The following PIP5K1A variants were observed in gnomAD, a reference collection of about 807,000 sequenced individuals.
The protein encoded by PIP5K1A is phosphatidylinositol-4-phosphate 5-kinase type 1 alpha, also known as phosphatidylinositol 4-phosphate 5-kinase type-1 alpha.
A neutral mutation model predicts 72.9 loss-of-function variants in PIP5K1A; 46 were observed. That is an observed-to-expected ratio of 0.63 (90% CI 0.50 to 0.81). The LOEUF is 0.81. Among genes scored for constraint, PIP5K1A ranks in the 30% least tolerant of loss-of-function variants. The probability of loss-of-function intolerance (pLI) is 0.00; values close to 1 mark genes in which losing one functional copy is unlikely to be tolerated. For synonymous variants in PIP5K1A, 228 were observed against 255.1 expected (o/e 0.89, Z 1.01); for missense variants, 458 against 706.1 (o/e 0.65, Z 3.98).
intron 8 of PIP5K1A, among the ~76,000 whole-genome samples, chr1:151,235,675 A>C (rs1180242463): frequency 6.6e-6 from 1 of 152,226 alleles, no homozygotes; most frequent in Non-Finnish European, 1.5e-5. Flanking sequence ...TGGAATCTTC[A>C]CAGCACAAAT....
intron 4 of PIP5K1A, among the ~76,000 whole-genome samples, chr1:151,229,254 G>C (rs1689671299): frequency 6.7e-6 from 1 of 149,246 alleles, no homozygotes; most frequent in South Asian, 2.1e-4. Flanking sequence ...TGGGTGCGTT[G>C]ATGGCACACT....
upstream of PIP5K1A, among the ~76,000 whole-genome samples, chr1:151,196,550 A>ATTT (rs5777766): frequency 2.1e-3 from 245 of 114,718 alleles, 2 homozygotes; most frequent in African/African-American, 5.3e-3. Flanking sequence ...ATGCATGGGG[A>ATTT]TTTTTTTTTT....
chr1:151,209,103 A>AT (rs1348516943), intron 1 of PIP5K1A, among the ~76,000 whole-genome samples: 1 of 151,276 alleles, frequency 6.6e-6, no homozygotes, highest in African/African-American at 2.4e-5. Context: ...GCAGGTTGAC[A>AT]TTTCAAGAGT....
At chr1:151,216,686 A>G (rs935398451) in intron 1 of PIP5K1A, among the ~76,000 whole-genome samples, 2 of 152,082 alleles carry the variant, frequency 1.3e-5, no homozygotes, top group African/African-American at 4.8e-5. Flanking sequence ...ATGGCATTTC[A>G]TAATTCACAT....
intron 4 of PIP5K1A, among the ~76,000 whole-genome samples, chr1:151,230,859 G>C (rs917680758): frequency 2.6e-5 from 4 of 152,214 alleles, no homozygotes; most frequent in Admixed American, 1.3e-4. Context: ...TGTTGGCCTT[G>C]AGACACACTA....
At chr1:151,241,880 T>TG (rs950490155) in intron 12 of PIP5K1A, among the ~76,000 whole-genome samples, 5 of 151,988 alleles carry the variant, frequency 3.3e-5, no homozygotes, top group Admixed American at 6.6e-5. Context: ...GGCTCCATGT[T>TG]GGGGGGTTAG....
chr1:151,214,225 C>A (rs1435577870), intron 1 of PIP5K1A, among the ~76,000 whole-genome samples: 1 of 152,156 alleles, frequency 6.6e-6, no homozygotes, highest in East Asian at 1.9e-4. Context: ...GTTATATATA[C>A]ACTGCTGTAA....
intron 14 of PIP5K1A, among the ~76,000 whole-genome samples, chr1:151,245,484 C>T (rs587727752): frequency 5.9e-5 from 9 of 152,196 alleles, no homozygotes; most frequent in African/African-American, 1.9e-4. Context: ...TTTTGTTTTT[C>T]GAGATGGAGT....
At chr1:151,247,557 T>C (rs1692690296) in intron 15 of PIP5K1A, among the ~76,000 whole-genome samples, 1 of 151,884 alleles carries the variant, frequency 6.6e-6, no homozygotes, top group African/African-American at 2.4e-5. Context: ...CCTTGAGTAG[T>C]TGGGACTACA....
At chr1:151,213,042 C>T (rs587677238) in intron 1 of PIP5K1A, among the ~76,000 whole-genome samples, 1 of 152,064 alleles carries the variant, frequency 6.6e-6, no homozygotes, top group Admixed American at 6.5e-5. Context: ...AGGCGCCCGC[C>T]ACCACGCCCG....
At chr1:151,229,167 CA>C (rs34356281) in intron 4 of PIP5K1A, among the ~76,000 whole-genome samples, 1,682 of 41,270 alleles carry the variant, frequency 0.041, 6 homozygotes, top group African/African-American at 0.082. Flanking sequence ...GACCCCGTCT[CA>C]AAAAAAAAAA....
At chr1:151,211,323 C>T (rs1455026609) in intron 1 of PIP5K1A, among the ~76,000 whole-genome samples, 1 of 151,742 alleles carries the variant, frequency 6.6e-6, no homozygotes, top group Non-Finnish European at 1.5e-5. Flanking sequence ...CCTGTCTCTA[C>T]AAAAAATATA....
At position 151,240,024 on chromosome 1, in the gene PIP5K1A, T is replaced by C; in HGVS notation, c.1348T>C (p.Phe450Leu). ...CCAGCGCTTCATGTGCAACACAGTA[T>C]TTAAGAAGATTCCCTGTAAGTGGTT... ...RFQRFMCNTV[F>L]KKIPLKPSPS... Residue 450 changes from phenylalanine (F) to leucine (L), a missense_variant, in exon 12 of 16, where the codon TTT becomes CTT. Around this residue, in one of 3 missense-constraint regions of PIP5K1A, gnomAD observed 157 missense variants for 175.5 expected, o/e 0.89. Transcript: ENST00000368888. 1 of 1,611,954 alleles carries C rather than the reference T, an allele frequency of 6.2e-7. No individual in the cohort carries two copies. The highest frequency in any genetic ancestry group is 8.5e-7 in the Non-Finnish European group (1 of 1,178,306).
chr1:151,245,261 TC>T (rs1375894812), intron 14 of PIP5K1A, among the ~76,000 whole-genome samples: 2 of 152,290 alleles, frequency 1.3e-5, no homozygotes, highest in South Asian at 4.2e-4. Context: ...ATATTCTACT[TC>T]TCACATAATC....
Position 151,209,552 on chromosome 1 carries a change from G to A in PIP5K1A, c.85+10471G>A, listed in dbSNP as rs191637341. The stretch of plus-strand genomic sequence containing the variant: ...CCTCCCAGGTTCAAGCAATTCTCCT[G>A]TCTCAGCCTCCTGAGTAGCTGGGAT... On this transcript the variant is annotated intron_variant, in intron 1 of 15. Coordinates refer to ENST00000368888, the MANE Select transcript of PIP5K1A (RefSeq NM_001135638.2). 4.4e-3 allele frequency among the ~76,000 whole-genome samples: 669 copies of A among 151,120 alleles called. 6 individuals are homozygous for A. Among genetic ancestry groups the A allele is most frequent in the Middle Eastern group, 0.014 (4 of 292 alleles).
chr1:151,238,050 T>C, intron 9 of PIP5K1A, 132 bp from the exon 10 acceptor site: 1 of 619,056 alleles, frequency 1.6e-6, no homozygotes, highest in Non-Finnish European at 2.9e-6. Flanking sequence ...CTTTTTGTTT[T>C]CTTGATCACT....
At chr1:151,232,096 C>G (rs2102624592) in intron 5 of PIP5K1A, 152 bp from the exon 6 acceptor site, 2 of 683,144 alleles carry the variant, frequency 2.9e-6, no homozygotes, top group East Asian at 2.5e-5. Context: ...GCCATTGTCT[C>G]ACTAACTCAT....
intron 12 of PIP5K1A, among the ~76,000 whole-genome samples, chr1:151,241,800 CAAAAAAAA>C (rs201895156): frequency 1.7e-5 from 1 of 60,194 alleles, no homozygotes; most frequent in South Asian, 5.2e-4. Context: ...AACTCCATCT[CAAAAAAAA>C]AAAAAAAAAG....
At position 151,234,497 on chromosome 1, in the gene PIP5K1A, G is replaced by T. The variant is rs1347053725; in HGVS notation, c.939+1G>T. The T allele has an allele frequency of 6.2e-7, 1 of 1,613,174 alleles. No individual in the cohort carries two copies. Among genetic ancestry groups the T allele is most frequent in the Non-Finnish European group, 8.5e-7 (1 of 1,179,300 alleles). On this transcript the variant is annotated splice_donor_variant, in intron 8 of 15. Coordinates refer to ENST00000368888, the MANE Select transcript of PIP5K1A (RefSeq NM_001135638.2). LOFTEE classifies it high-confidence loss of function. ...TAAGACCCTGCAGCGTGACTGTTTG[G>T]TGAGTTTGTTACTTAGACATCAAAA...
Sources: gnomAD v4.1 joint callset for allele counts (sites outside exome capture counted in the v4.1 genomes callset) on GRCh38, gnomAD v4.1.1 for gene constraint, gnomAD v4.1.1 regional missense constraint, MANE v1.5 for transcripts, NCBI Gene and HGNC (gene_info 2026-07-23, HGNC 2026-07-21) for gene names.